UNC13C: variants seen among roughly 807,000 people sequenced by gnomAD.
The protein encoded by UNC13C is protein unc-13 homolog C.
A neutral mutation model predicts 245.4 loss-of-function variants in UNC13C; 174 were observed. The ratio of observed to expected loss-of-function variants is 0.71; its 90% confidence interval spans 0.63 to 0.80. The LOEUF (loss-of-function observed/expected upper bound fraction) is 0.80. Ranked by LOEUF, UNC13C falls within the 30% of genes least tolerant of loss-of-function variation. The pLI, the probability that UNC13C is intolerant of heterozygous loss-of-function variation, is 0.00. For missense variants in UNC13C, 2,829 were observed against 2,602.9 expected (o/e 1.09, Z -1.89); for synonymous variants, 992 against 895.1 (o/e 1.11, Z -1.93).
chr15:54,139,591 A>G (rs1373082214), intron 2 of UNC13C, among the ~76,000 whole-genome samples: 1 of 152,248 alleles, frequency 6.6e-6, no homozygotes, highest in East Asian at 1.9e-4. Context: ...TGTTTGATTA[A>G]TAATATTCTC....
chr15:54,049,310 C>T, intron 2 of UNC13C: 2 of 522,248 alleles, frequency 3.8e-6, no homozygotes, highest in South Asian at 1.5e-5. Context: ...ATAAAGGGCC[C>T]TTCATATGAA....
intron 22 of UNC13C, among the ~76,000 whole-genome samples, chr15:54,506,425 G>C (rs1167467389): frequency 6.6e-6 from 1 of 151,994 alleles, no homozygotes; most frequent in South Asian, 2.1e-4. Context: ...TCAGTCATCT[G>C]TTTACCAGGA....
At position 54,316,469 on chromosome 15, in the gene UNC13C, C is replaced by T. The variant is rs199546330; in HGVS notation, c.4269-5470C>T. Among the ~76,000 whole-genome samples, 3 of 152,022 alleles carry T rather than the reference C, an allele frequency of 2.0e-5. No homozygotes were observed. The East Asian group carries it at 5.8e-4, about 30-fold the overall frequency. ...CCCAGCCTCATCTCAAGACATCTCC[C>T]CTGACCCTCCTCACCAGGCTGTGAT... On this transcript the variant is annotated intron_variant, in intron 13 of 32. Coordinates refer to ENST00000260323, the MANE Select transcript of UNC13C (RefSeq NM_001080534.3).
Position 54,013,189 on chromosome 15 carries a change from G to T in UNC13C, c.286G>T (p.Val96Leu). 1 of 1,613,848 alleles carries T rather than the reference G, an allele frequency of 6.2e-7. No individual in the cohort carries two copies. Among genetic ancestry groups the T allele is most frequent in the Non-Finnish European group, 8.5e-7 (1 of 1,179,860 alleles). Residue 96 changes from valine to leucine, a missense_variant, in exon 2 of 33, where the codon GTA (valine) becomes TTA (leucine). Physicochemically the swap from Val to Leu is conservative, Grantham distance 32. Coordinates refer to ENST00000260323, the MANE Select transcript of UNC13C (RefSeq NM_001080534.3). ...FSLSPTFSYR[V>L]AIANGLQKNA... ...CCTCTCACCAACATTCAGTTACCGA[G>T]TAGCTATTGCCAATGGCCTACAAAA...
At chr15:53,993,839 A>G (rs779567732) in intron 1 of UNC13C, among the ~76,000 whole-genome samples, 7 of 152,074 alleles carry the variant, frequency 4.6e-5, no homozygotes, top group African/African-American at 7.2e-5. Flanking sequence ...CAAGGCCTCA[A>G]TAATGGTCTA....
intron 28 of UNC13C, among the ~76,000 whole-genome samples, chr15:54,552,229 A>G (rs568372223): frequency 2.8e-3 from 382 of 136,994 alleles, no homozygotes; most frequent in Non-Finnish European, 4.6e-3. Context: ...ATTAGGTGTA[A>G]TATATATTAT....
chr15:54,590,803 G>T (rs142300222), intron 30 of UNC13C, among the ~76,000 whole-genome samples: 95 of 152,252 alleles, frequency 6.2e-4, no homozygotes, highest in African/African-American at 2.2e-3. Context: ...TTGTCTGATT[G>T]CTCTGGCTAG....
chr15:54,321,184 T>A, intron 13 of UNC13C: 1 of 509,520 alleles, frequency 2.0e-6, no homozygotes, highest in South Asian at 1.4e-5. Context: ...CACAGTAAGG[T>A]GTTTCTGAAT....
At position 54,626,913 on chromosome 15, in the gene UNC13C, A is replaced by C. The variant is rs760310165; in HGVS notation, c.6445A>C (p.Ile2149Leu). 1 of 1,613,456 alleles carries C rather than the reference A, an allele frequency of 6.2e-7. No individual in the cohort carries two copies. Among genetic ancestry groups the C allele is most frequent in the South Asian group, 1.1e-5 (1 of 91,068 alleles). The part of the protein sequence containing the change: ...DYCFAREDRI[I>L]GMTVIQLQNI... ...CTGCTTTGCCAGAGAAGATCGAATT[A>C]TCGGAATGACAGTCATTCAGCTACA... The change falls in exon 33 of 33, where the codon ATC becomes CTC. Residue 2149 changes from isoleucine (I) to leucine (L), a missense_variant. Ile to Leu is a conservative substitution (Grantham distance 5). Transcript: ENST00000260323.
chr15:54,555,771 T>C (rs1326118321), intron 29 of UNC13C, among the ~76,000 whole-genome samples: 1 of 152,118 alleles, frequency 6.6e-6, no homozygotes, highest in Non-Finnish European at 1.5e-5. Flanking sequence ...ACTGTCCTTA[T>C]ACTTGCTTCT....
At chr15:54,423,095 G>T (rs2040685852) in intron 19 of UNC13C, among the ~76,000 whole-genome samples, 2 of 151,320 alleles carry the variant, frequency 1.3e-5, no homozygotes, top group Admixed American at 1.3e-4. Flanking sequence ...TATACATGAA[G>T]ATATTACATG....
chr15:54,060,198 G>T (rs1390547390), intron 2 of UNC13C, among the ~76,000 whole-genome samples: 2 of 151,984 alleles, frequency 1.3e-5, no homozygotes, highest in Non-Finnish European at 2.9e-5. Flanking sequence ...GAATGGGAGA[G>T]AATTTTTGCA....
intron 17 of UNC13C, among the ~76,000 whole-genome samples, chr15:54,365,134 C>T (rs2039334696): frequency 6.6e-6 from 1 of 152,080 alleles, no homozygotes; most frequent in African/African-American, 2.4e-5. Context: ...CAGGCTTGGT[C>T]TGTTTTCTTG....
chr15:53,922,728 T>TA, the UNC13C span, among the ~76,000 whole-genome samples: 1 of 152,170 alleles, frequency 6.6e-6, no homozygotes, highest in African/African-American at 2.4e-5. Flanking sequence ...GAGCATGCAA[T>TA]ATTGAAGAAA....
chr15:54,611,094 C>CAGT, intron 30 of UNC13C, among the ~76,000 whole-genome samples: 1 of 152,208 alleles, frequency 6.6e-6, no homozygotes, highest in South Asian at 2.1e-4. Context: ...GGGGAGAATA[C>CAGT]AGTAGCTACA....
chr15:54,131,297 A>G (rs182697544), intron 2 of UNC13C, among the ~76,000 whole-genome samples: 17 of 152,248 alleles, frequency 1.1e-4, no homozygotes, highest in African/African-American at 4.1e-4. Context: ...AGAAAATAAA[A>G]TTTTGATTGT....
At chr15:53,999,677 A>C (rs1894795565) in intron 1 of UNC13C, among the ~76,000 whole-genome samples, 1 of 151,930 alleles carries the variant, frequency 6.6e-6, no homozygotes, top group African/African-American at 2.4e-5. Flanking sequence ...AGATTATTTA[A>C]ACCTATAAAT....
chr15:54,516,941 G>C (rs950423118), intron 24 of UNC13C, among the ~76,000 whole-genome samples: 1 of 152,070 alleles, frequency 6.6e-6, no homozygotes, highest in Non-Finnish European at 1.5e-5. Context: ...ATGGAAATTG[G>C]AACAGCATGC....
At chr15:54,017,710 G>A (rs1049080612) in intron 2 of UNC13C, among the ~76,000 whole-genome samples, 6 of 152,252 alleles carry the variant, frequency 3.9e-5, no homozygotes, top group African/African-American at 1.4e-4. Flanking sequence ...TGACCCTTCA[G>A]CCAGCTAACA....
Sources: allele counts gnomAD v4.1 joint callset (sites outside exome capture counted in the v4.1 genomes callset), GRCh38; gene constraint gnomAD v4.1.1; transcripts MANE v1.5; gene names NCBI Gene and HGNC (gene_info 2026-07-23, HGNC 2026-07-21).